The following ATP10B variants were observed in gnomAD, a reference collection of about 807,000 sequenced individuals.
The protein encoded by ATP10B is ATPase phospholipid transporting 10B (putative).
In ATP10B, 122 loss-of-function variants were observed where a neutral mutation model predicts 141.2. The ratio of observed to expected loss-of-function variants is 0.86; its 90% CI spans 0.75 to 1.00. The LOEUF (loss-of-function observed/expected upper bound fraction) is 1.00, where lower values mean the gene tolerates loss of function less well. Ranked by LOEUF, ATP10B falls within the 50% of genes least tolerant of loss-of-function variation. The probability of loss-of-function intolerance (pLI) is 0.00; values close to 1 mark genes in which losing one functional copy is unlikely to be tolerated. For synonymous variants in ATP10B, 685 were observed against 692.0 expected (o/e 0.99, Z 0.16); for missense variants, 1,876 against 1,825.3 (o/e 1.03, Z -0.51).
intron 16 of ATP10B, among the ~76,000 whole-genome samples, chr5:160,617,519 C>T (rs1356465424): frequency 6.6e-6 from 1 of 152,086 alleles, no homozygotes; most frequent in African/African-American, 2.4e-5. Flanking sequence ...TTTATGTGAC[C>T]ATATAAAAGG....
intron 24 of ATP10B, among the ~76,000 whole-genome samples, chr5:160,584,171 C>T (rs1337155722): frequency 6.6e-6 from 1 of 152,188 alleles, no homozygotes; most frequent in Non-Finnish European, 1.5e-5. Flanking sequence ...GTGGTGTAGG[C>T]ACCCGAGAGA....
chr5:160,878,796 C>T, the ATP10B span, among the ~76,000 whole-genome samples: 2 of 151,612 alleles, frequency 1.3e-5, no homozygotes. Context: ...TGCTCATCAT[C>T]ACTGGCCATC....
intron 2 of ATP10B, among the ~76,000 whole-genome samples, chr5:160,781,145 GACC>G (rs1311519395): frequency 6.6e-6 from 1 of 152,182 alleles, no homozygotes; most frequent in Non-Finnish European, 1.5e-5. Flanking sequence ...CCAGGTGAAT[GACC>G]ACAAGGAATT....
rs537923552 is a variant in ATP10B, at chr5:160,778,153, G to A, written c.-331+7406C>T. ...ATGCATTAAACATGCTTTTTACCAT[G>A]TCCACGTATTATCTAAAGTAAACAC... is the stretch of plus-strand genomic sequence containing the variant. On this transcript the variant is annotated intron_variant, in intron 2 of 25. Transcript: ENST00000327245. 3.4e-4 allele frequency among the ~76,000 whole-genome samples: 52 copies of A among 152,246 alleles called. 1 individual carries two copies. Among genetic ancestry groups the A allele is most frequent in the Admixed American group, 3.2e-3 (49 of 15,292 alleles).
At chr5:160,653,584 T>TATAC (rs1761119699) in intron 7 of ATP10B, among the ~76,000 whole-genome samples, 1 of 21,928 alleles carries the variant, frequency 4.6e-5, no homozygotes, top group African/African-American at 3.1e-4. Flanking sequence ...CATATATACA[T>TATAC]ATATACATAT....
intron 24 of ATP10B, 50 bp from the exon 25 acceptor site, chr5:160,569,733 A>G (rs1182892576): frequency 3.6e-6 from 5 of 1,398,004 alleles, no homozygotes; most frequent in Non-Finnish European, 4.8e-6. Context: ...TGAGATTAGG[A>G]GGCAGGGTGA....
chr5:160,912,490 T>C, the ATP10B span, among the ~76,000 whole-genome samples: 9 of 150,086 alleles, frequency 6.0e-5, no homozygotes, highest in African/African-American at 2.2e-4. Flanking sequence ...TCCCAGCTAC[T>C]TGGGAGGCTG....
chr5:160,671,639 C>T (rs1189417466), intron 6 of ATP10B, among the ~76,000 whole-genome samples: 1 of 152,160 alleles, frequency 6.6e-6, no homozygotes. Context: ...TTTTATCTTC[C>T]TATCCAATTT....
chr5:160,895,030 G>A, the ATP10B span, among the ~76,000 whole-genome samples: 2 of 152,194 alleles, frequency 1.3e-5, no homozygotes, highest in Non-Finnish European at 2.9e-5. Flanking sequence ...TACCAGGACT[G>A]CCTTACAAGA....
chr5:160,644,674 C>T (rs2421530), intron 8 of ATP10B, among the ~76,000 whole-genome samples: 30,680 of 152,096 alleles, frequency 0.2, 3,698 homozygotes, highest in East Asian at 0.65. Context: ...TGACAGTTTA[C>T]AGATGCCATG....
chr5:160,744,532 G>A lies in ATP10B; in HGVS notation c.-330-27498C>T, dbSNP rs540610754. Reference sequence around the variant, plus strand: ...GATTCCCATCTCCCTCAGTCAATGAGGCTTTACTTTTGTCTATACAAATAC... The same window carrying A: ...GATTCCCATCTCCCTCAGTCAATGAAGCTTTACTTTTGTCTATACAAATAC... On this transcript the variant is annotated intron_variant, in intron 2 of 25. Coordinates refer to ENST00000327245, the MANE Select transcript of ATP10B (RefSeq NM_025153.3). 6.6e-5 allele frequency among the ~76,000 whole-genome samples: 10 copies of A among 152,222 alleles called. No individual in the cohort carries two copies. The South Asian group carries it at 1.7e-3, about 25-fold the overall frequency.
chr5:160,676,286 C>T (rs971048911), intron 6 of ATP10B, among the ~76,000 whole-genome samples: 2 of 152,164 alleles, frequency 1.3e-5, no homozygotes, highest in African/African-American at 4.8e-5. Flanking sequence ...ATGGAAGTCA[C>T]AGGTGCCATC....
At chr5:160,879,821 G>C in the ATP10B span, among the ~76,000 whole-genome samples, 1 of 152,156 alleles carries the variant, frequency 6.6e-6, no homozygotes, top group African/African-American at 2.4e-5. Context: ...CTGGGCGACA[G>C]AGCAAGACTC....
chr5:160,721,061 A>G (rs1012778547), intron 2 of ATP10B, among the ~76,000 whole-genome samples: 1 of 152,144 alleles, frequency 6.6e-6, no homozygotes, highest in African/African-American at 2.4e-5. Context: ...GTAAATATTT[A>G]TAATAAAAAG....
At chr5:160,769,118 T>C (rs959085765) in intron 2 of ATP10B, among the ~76,000 whole-genome samples, 5 of 152,110 alleles carry the variant, frequency 3.3e-5, no homozygotes, top group Non-Finnish European at 2.9e-5. Flanking sequence ...CATAGATGAG[T>C]TGGAGCCATA....
chr5:160,872,200 G>A, the ATP10B span, among the ~76,000 whole-genome samples: 3 of 152,014 alleles, frequency 2.0e-5, no homozygotes, highest in African/African-American at 7.2e-5. Flanking sequence ...TTTGAGAACT[G>A]GCTATTCATG....
chr5:160,862,233 A>G, the ATP10B span, among the ~76,000 whole-genome samples: 1 of 151,954 alleles, frequency 6.6e-6, no homozygotes, highest in Non-Finnish European at 1.5e-5. Context: ...TAATCAGTTG[A>G]TTTTAAACAG....
chr5:160,619,497 G>C (rs1243524150), intron 15 of ATP10B, among the ~76,000 whole-genome samples: 1 of 152,128 alleles, frequency 6.6e-6, no homozygotes, highest in East Asian at 1.9e-4. Context: ...TGGGAATAAA[G>C]AGAACTAATT....
intron 2 of ATP10B, among the ~76,000 whole-genome samples, chr5:160,776,727 A>G (rs906257928): frequency 1.4e-4 from 21 of 152,338 alleles, no homozygotes; most frequent in Non-Finnish European, 1.9e-4. Context: ...ACTTGGCCCA[A>G]GGGAAAGGTT....
Sources: gnomAD v4.1 joint callset for allele counts (sites outside exome capture counted in the v4.1 genomes callset) on GRCh38, gnomAD v4.1.1 for gene constraint, MANE v1.5 for transcripts, NCBI Gene and HGNC (gene_info 2026-07-23, HGNC 2026-07-21) for gene names.